RPS6KC1: variants seen among roughly 807,000 people sequenced by gnomAD.
RPS6KC1 encodes ribosomal protein S6 kinase C1.
In RPS6KC1, 54 loss-of-function variants were observed where a neutral mutation model predicts 103.8. That is an observed-to-expected ratio of 0.52 (90% CI 0.42 to 0.65). The LOEUF (loss-of-function observed/expected upper bound fraction) is 0.65. RPS6KC1 is among the 30% of genes least tolerant of loss of function. RPS6KC1 has a pLI of 0.00. For missense variants in RPS6KC1, 1,151 were observed against 1,253.8 expected, an observed-to-expected ratio of 0.92 and a Z score of 1.24; for synonymous variants, 439 against 438.7, an observed-to-expected ratio of 1.00 and a Z score of -0.01.
the RPS6KC1 span, among the ~76,000 whole-genome samples, chr1:213,310,895 G>A: frequency 2.0e-5 from 3 of 152,162 alleles, no homozygotes; most frequent in Non-Finnish European, 4.4e-5. Flanking sequence ...GCACTGCATG[G>A]ATCCATCCTG....
intron 8 of RPS6KC1, among the ~76,000 whole-genome samples, chr1:213,193,707 C>T (rs975485867): frequency 6.6e-6 from 1 of 152,102 alleles, no homozygotes; most frequent in Non-Finnish European, 1.5e-5. Flanking sequence ...AAGATCTCGG[C>T]TTACTGCAAC....
chr1:213,834,487 G>C, the RPS6KC1 span, among the ~76,000 whole-genome samples: 27 of 152,218 alleles, frequency 1.8e-4, no homozygotes, highest in Admixed American at 4.6e-4. Flanking sequence ...CTCACTAAAA[G>C]CATTTTCCTT....
rs2085364216 is a variant in RPS6KC1, at chr1:213,129,635, G to T, written c.581G>T (p.Gly194Val). Residue 194 changes from glycine (G) to valine (V), a missense_variant, in exon 6 of 15, where the codon GGT (glycine) becomes GTT (valine). By Grantham distance (109) the Gly-to-Val change is moderately radical (BLOSUM62 -3). Transcript: ENST00000366960. ...SNQNSPIRTF[G>V]LNLSSDSSAL... ...CAAAATTCTCCCATTAGAACTTTTG[G>T]TCTCAATCTTTCTTCGGATTCTTCA... 6.2e-7 allele frequency: 1 copy of T among 1,613,886 alleles called. No individual in the cohort carries two copies. Among genetic ancestry groups the T allele is most frequent in the Admixed American group, 1.7e-5 (1 of 59,972 alleles).
the RPS6KC1 span, among the ~76,000 whole-genome samples, chr1:213,595,616 G>A: frequency 7.9e-5 from 12 of 152,332 alleles, no homozygotes; most frequent in South Asian, 2.1e-4. Flanking sequence ...GCTTTTGGAA[G>A]ACAGTGGTTT....
At chr1:213,780,546 A>G in the RPS6KC1 span, among the ~76,000 whole-genome samples, 4 of 152,218 alleles carry the variant, frequency 2.6e-5, no homozygotes, top group African/African-American at 7.2e-5. Flanking sequence ...CAGAGCCACA[A>G]TCTGGGCCAA....
At chr1:213,587,748 T>C in the RPS6KC1 span, among the ~76,000 whole-genome samples, 1 of 152,210 alleles carries the variant, frequency 6.6e-6, no homozygotes, top group Non-Finnish European at 1.5e-5. Flanking sequence ...AATGACCATT[T>C]GCACGGGATT....
the RPS6KC1 span, among the ~76,000 whole-genome samples, chr1:213,415,169 A>G: frequency 2.0e-5 from 3 of 152,170 alleles, no homozygotes; most frequent in African/African-American, 4.8e-5. Flanking sequence ...GTCTACTCCT[A>G]TGTTTCATCC....
Position 213,167,935 on chromosome 1 carries a change from A to G in RPS6KC1, c.913A>G (p.Ser305Gly). 6.2e-7 allele frequency: 1 copy of G among 1,613,610 alleles called. No individual in the cohort carries two copies. The highest frequency in any genetic ancestry group is 8.5e-7 in the Non-Finnish European group (1 of 1,179,686). The change falls in exon 7 of 15, where the codon AGT becomes GGT. Residue 305 changes from serine to glycine, a missense_variant. Ser to Gly is a moderately conservative substitution (Grantham distance 56). This residue lies in a region of RPS6KC1 where 959 missense variants were observed against 1,006.3 expected (regional missense o/e 0.95). Coordinates refer to ENST00000366960, the MANE Select transcript of RPS6KC1 (RefSeq NM_012424.6). ...EYLMRAESIS[S>G]LYGKPQLDDV... ...CCTCATGCGGGCAGAAAGTATCTCT[A>G]GTCTTTATGGGAAACCTCAGCTTGA...
chr1:213,602,017 TTTCTTTCTTTCTCTTTCTC>T, the RPS6KC1 span, among the ~76,000 whole-genome samples: 2 of 29,358 alleles, frequency 6.8e-5, 1 homozygote, highest in African/African-American at 2.0e-4. Context: ...TTTTCTTTTC[TTTCTTTCTTTCTCTTTCTC>T]TTTCTTTCTT....
chr1:213,153,887 T>C (rs908928396), intron 6 of RPS6KC1, among the ~76,000 whole-genome samples: 6 of 152,226 alleles, frequency 3.9e-5, no homozygotes, highest in Admixed American at 3.9e-4. Flanking sequence ...TTCAGCATGT[T>C]AAATATGTAA....
chr1:213,717,045 A>T, the RPS6KC1 span, among the ~76,000 whole-genome samples: 1 of 152,354 alleles, frequency 6.6e-6, no homozygotes, highest in South Asian at 2.1e-4. Context: ...CGCTGATTCC[A>T]AATCTTTTTT....
the RPS6KC1 span, among the ~76,000 whole-genome samples, chr1:213,617,431 C>A: frequency 1.3e-5 from 2 of 152,060 alleles, no homozygotes; most frequent in African/African-American, 2.4e-5. Flanking sequence ...ATCAACCTGG[C>A]CTTATTCTGT....
At chr1:213,279,140 A>G (rs970776605), downstream of RPS6KC1, among the ~76,000 whole-genome samples, 1 of 152,210 alleles carries the variant, frequency 6.6e-6, no homozygotes, top group African/African-American at 2.4e-5. Context: ...TGCAGCCTAC[A>G]GTTAAAAGAG....
the RPS6KC1 span, among the ~76,000 whole-genome samples, chr1:213,639,291 C>T: frequency 3.3e-5 from 5 of 152,020 alleles, no homozygotes; most frequent in Admixed American, 1.3e-4. Flanking sequence ...TGCATAGAAA[C>T]GGCTTTATTG....
chr1:213,544,858 C>G, the RPS6KC1 span, among the ~76,000 whole-genome samples: 1 of 152,142 alleles, frequency 6.6e-6, no homozygotes, highest in Non-Finnish European at 1.5e-5. Context: ...CTTTCTGTCT[C>G]CAAAGAGAAC....
At chr1:213,313,025 ATTTTTC>A in the RPS6KC1 span, among the ~76,000 whole-genome samples, 449 of 152,042 alleles carry the variant, frequency 3.0e-3, 2 homozygotes, top group African/African-American at 0.011. Flanking sequence ...TTTGAGAGAT[ATTTTTC>A]TTTTTCTGAG....
chr1:213,413,070 G>A, the RPS6KC1 span, among the ~76,000 whole-genome samples: 1 of 152,148 alleles, frequency 6.6e-6, no homozygotes, highest in African/African-American at 2.4e-5. Flanking sequence ...CTCTGTAAAT[G>A]TTCATTGAAT....
At chr1:213,084,273 T>C (rs974237938) in intron 3 of RPS6KC1, among the ~76,000 whole-genome samples, 2 of 152,120 alleles carry the variant, frequency 1.3e-5, no homozygotes, top group African/African-American at 4.8e-5. Context: ...TCTTTCTTTC[T>C]TTTCTAACTT....
At chr1:213,787,766 G>A in the RPS6KC1 span, among the ~76,000 whole-genome samples, 27 of 152,304 alleles carry the variant, frequency 1.8e-4, no homozygotes, top group East Asian at 1.7e-3. Flanking sequence ...CTCTCTATTA[G>A]TAGATGAGAT....
Sources: gnomAD v4.1 joint callset for allele counts (sites outside exome capture counted in the v4.1 genomes callset) on GRCh38, gnomAD v4.1.1 for gene constraint, gnomAD v4.1.1 regional missense constraint, MANE v1.5 for transcripts, NCBI Gene and HGNC (gene_info 2026-07-23, HGNC 2026-07-21) for gene names.